The following PPP4R3B variants were observed in gnomAD, a reference collection of about 807,000 sequenced individuals.
PPP4R3B encodes the protein protein phosphatase 4 regulatory subunit 3B.
PPP4R3B carries 52 observed loss-of-function variants against 95.4 expected under a neutral mutation model. That is an observed-to-expected ratio of 0.54 (90% CI 0.44 to 0.69). The LOEUF (loss-of-function observed/expected upper bound fraction) is 0.69. PPP4R3B is among the 30% of genes least tolerant of loss of function. The pLI is 0.00. For missense variants in PPP4R3B, 1,003 were observed against 1,005.9 expected, an observed-to-expected ratio of 1.00 and a Z score of 0.04; for synonymous variants, 407 against 343.9, an observed-to-expected ratio of 1.18 and a Z score of -2.03.
At chr2:55,564,525 G>T in intron 14 of PPP4R3B, 28 bp from the exon 15 acceptor site, 1 of 1,540,624 alleles carries the variant, frequency 6.5e-7, no homozygotes, top group Non-Finnish European at 8.7e-7. Flanking sequence ...CAAATATTGA[G>T]TAATGATTTA....
chr2:55,617,004 T>A (rs1695044931), intron 1 of PPP4R3B, 140 bp downstream of exon 1: 3 of 912,368 alleles, frequency 3.3e-6, no homozygotes, highest in Non-Finnish European at 4.9e-6. Flanking sequence ...AGTACTTTGT[T>A]TTTGCCGTAC....
intron 2 of PPP4R3B, among the ~76,000 whole-genome samples, chr2:55,608,855 T>C (rs972223104): frequency 1.4e-4 from 21 of 152,224 alleles, no homozygotes; most frequent in Middle Eastern, 3.4e-3. Context: ...TATGGTGGTA[T>C]GCGCCTGCAG....
chr2:55,581,833 C>T (rs1975486), intron 7 of PPP4R3B, 135 bp from the exon 8 acceptor site: 775,101 of 843,740 alleles, frequency 0.92, 359,121 homozygotes, highest in African/African-American at 0.98. Flanking sequence ...TTATTTAAAC[C>T]TCTATTCCTA....
intron 16 of PPP4R3B, among the ~76,000 whole-genome samples, chr2:55,554,907 G>A (rs763205293): frequency 3.9e-5 from 6 of 152,108 alleles, no homozygotes; most frequent in Non-Finnish European, 5.9e-5. Flanking sequence ...TCCATTTTGA[G>A]AGGAGTTTTG....
chr2:55,574,760 A>AT (rs931952192), intron 11 of PPP4R3B, among the ~76,000 whole-genome samples: 1 of 149,946 alleles, frequency 6.7e-6, no homozygotes, highest in Admixed American at 6.7e-5. Context: ...TGCCCAGCTA[A>AT]TTTTTTTGTA....
chr2:55,549,946 A>C lies in PPP4R3B; in HGVS notation c.2515T>G (p.Ser839Ala). 1 of 1,613,548 alleles carries C rather than the reference A, an allele frequency of 6.2e-7. No individual in the cohort carries two copies. The highest frequency in any genetic ancestry group is 8.5e-7 in the Non-Finnish European group (1 of 1,179,814). The change falls in exon 17 of 17, where the codon TCG (serine) becomes GCG (alanine). Residue 839 changes from serine to alanine, a missense_variant. Physicochemically the swap from Ser to Ala is moderately conservative, Grantham distance 99. This residue lies in a region of PPP4R3B where 229 missense variants were observed against 194.7 expected (regional missense o/e 1.18). Transcript: ENST00000616407. ...DDEEEDEEEE[S>A]SPRKRPRLGS ...AGACGAGGTCTTTTCCTGGGGGACG[A>C]TTCTTCTTCTTCATCTTCCTCTTCA...
intron 8 of PPP4R3B, among the ~76,000 whole-genome samples, 167 bp downstream of exon 8, chr2:55,581,400 C>T (rs147588969): frequency 1.2e-3 from 186 of 152,272 alleles, no homozygotes; most frequent in African/African-American, 4.1e-3. Context: ...AAGATTTTGA[C>T]GGATTACAAT....
At chr2:55,562,549 G>A (rs1317925590) in intron 15 of PPP4R3B, among the ~76,000 whole-genome samples, 1 of 152,176 alleles carries the variant, frequency 6.6e-6, no homozygotes, top group African/African-American at 2.4e-5. Context: ...GGTTCTCGAA[G>A]CCTTTCAGCC....
rs1688008295 is a variant in PPP4R3B at position 55,571,625 on chromosome 2, GT to G, written c.1765+1993del. On this transcript the variant is annotated intron_variant, in intron 12 of 16. Coordinates refer to ENST00000616407, the MANE Select transcript of PPP4R3B (RefSeq NM_001122964.3). The stretch of plus-strand genomic sequence containing the variant: ...ATAATATAATAAACACAGGTTTTTT[GT>G]TTGTTTGTTTGTTTCTTGAGACAGA... Among the ~76,000 whole-genome samples the G allele has an allele frequency of 2.8e-5, 4 of 144,014 alleles. No homozygotes were observed. The South Asian group carries it at 8.3e-4, about 30-fold the overall frequency. 94.5% of individuals were successfully genotyped at this position (144,014 alleles called of 152,430 possible).
intron 1 of PPP4R3B, chr2:55,616,617 T>C (rs982915695): frequency 2.6e-5 from 4 of 152,234 alleles, no homozygotes; most frequent in African/African-American, 9.7e-5. Context: ...CAGATGTATG[T>C]GCTTGTGTGT....
At chr2:55,599,568 T>G (rs1228602065) in intron 3 of PPP4R3B, among the ~76,000 whole-genome samples, 1 of 152,218 alleles carries the variant, frequency 6.6e-6, no homozygotes, top group Non-Finnish European at 1.5e-5. Context: ...TAAGGAGAAA[T>G]CAACTTTTGT....
At chr2:55,615,654 G>T (rs1260745261) in intron 1 of PPP4R3B, 148 bp from the exon 2 acceptor site, 3 of 546,964 alleles carry the variant, frequency 5.5e-6, no homozygotes, top group Non-Finnish European at 9.6e-6. Context: ...AAGAGATCCA[G>T]ACCATTCCAG....
intron 4 of PPP4R3B, among the ~76,000 whole-genome samples, chr2:55,596,086 A>G (rs1691738322): frequency 6.6e-6 from 1 of 152,164 alleles, no homozygotes; most frequent in Non-Finnish European, 1.5e-5. Context: ...TCATATAGCA[A>G]ATAGCCACAT....
At chr2:55,551,655 G>A (rs1685260728) in intron 16 of PPP4R3B, among the ~76,000 whole-genome samples, 1 of 151,880 alleles carries the variant, frequency 6.6e-6, no homozygotes, top group Admixed American at 6.6e-5. Flanking sequence ...AGAGGCTGAG[G>A]CAGGAGAATT....
intron 6 of PPP4R3B, among the ~76,000 whole-genome samples, chr2:55,585,640 T>C (rs1016224123): frequency 6.6e-6 from 1 of 152,174 alleles, no homozygotes; most frequent in Non-Finnish European, 1.5e-5. Context: ...GAAAACTCTT[T>C]TTGGGCATTT....
intron 2 of PPP4R3B, chr2:55,614,444 T>A (rs1040433092): frequency 2.0e-5 from 3 of 152,174 alleles, no homozygotes; most frequent in Non-Finnish European, 4.4e-5. Context: ...ATTGTTAACA[T>A]GAACGAATAT....
At chr2:55,553,898 T>C (rs984456302) in intron 16 of PPP4R3B, among the ~76,000 whole-genome samples, 3 of 152,202 alleles carry the variant, frequency 2.0e-5, no homozygotes, top group Non-Finnish European at 4.4e-5. Context: ...TTATGAAAAA[T>C]ACTGCTATTA....
At chr2:55,569,889 A>G (rs72803547) in intron 12 of PPP4R3B, among the ~76,000 whole-genome samples, 2,561 of 152,292 alleles carry the variant, frequency 0.017, 30 homozygotes, top group Middle Eastern at 0.027. Context: ...TGGTCCCTAC[A>G]CTAAAGAGGC....
chr2:55,598,857 T>C lies in PPP4R3B; in HGVS notation c.480A>G (p.Glu160=). Residue 160 remains glutamate, a synonymous_variant, in exon 4 of 17, where the codon GAA becomes GAG. Coordinates refer to ENST00000616407, the MANE Select transcript of PPP4R3B (RefSeq NM_001122964.3). ...CATTTTCCAAGGCGAGAGCCAGCTT[T>C]TCCCTACGGATAGGTGAGGAGAGCA... is the stretch of plus-strand genomic sequence containing the variant. ...TSVLSSPIRR[E]KLALALENEG... 1 of 1,614,234 alleles carries C rather than the reference T, an allele frequency of 6.2e-7. No individual in the cohort carries two copies. The highest frequency in any genetic ancestry group is 8.5e-7 in the Non-Finnish European group (1 of 1,180,038).
Sources: allele counts gnomAD v4.1 joint callset (sites outside exome capture counted in the v4.1 genomes callset), GRCh38; gene constraint gnomAD v4.1.1; regional missense constraint gnomAD v4.1.1; transcripts MANE v1.5; gene names NCBI Gene and HGNC (gene_info 2026-07-23, HGNC 2026-07-21).